The following ACBD6 variants were observed in gnomAD, a reference collection of about 807,000 sequenced individuals.
ACBD6 encodes the protein acyl-CoA binding domain containing 6, also known as acyl-CoA-binding domain-containing protein 6.
A neutral mutation model predicts 37.2 loss-of-function variants in ACBD6; 28 were observed. The ratio of observed to expected loss-of-function variants is 0.75; its 90% CI spans 0.56 to 1.03. The LOEUF is 1.03. Among genes scored for constraint, ACBD6 ranks in the 50% least tolerant of loss-of-function variants. ACBD6 has a pLI of 0.00. For synonymous variants in ACBD6, 113 were observed against 126.8 expected (o/e 0.89, Z 0.73); for missense variants, 340 against 337.4 (o/e 1.01, Z -0.06).
At chr1:180,282,221 C>CT (rs36121878) in intron 8 of ACBD6, among the ~76,000 whole-genome samples, 2 of 152,234 alleles carry the variant, frequency 1.3e-5, no homozygotes, top group African/African-American at 2.4e-5. Context: ...GTAGGAGAGG[C>CT]TTTTTTAAAA....
intron 3 of ACBD6, among the ~76,000 whole-genome samples, chr1:180,474,003 A>G (rs1650678460): frequency 6.6e-6 from 1 of 152,212 alleles, no homozygotes; most frequent in South Asian, 2.1e-4. Context: ...TATACATAAT[A>G]GGGTTAAAAT....
intron 2 of ACBD6, among the ~76,000 whole-genome samples, chr1:180,494,865 G>A (rs1651666976): frequency 6.6e-6 from 1 of 152,148 alleles, no homozygotes; most frequent in Non-Finnish European, 1.5e-5. Flanking sequence ...TGAATTATAA[G>A]TTAAAAAAGT....
At chr1:180,377,819 T>C (rs1412266731) in intron 6 of ACBD6, among the ~76,000 whole-genome samples, 1 of 151,968 alleles carries the variant, frequency 6.6e-6, no homozygotes. Flanking sequence ...TGGTGGCACA[T>C]GCCTGTAACC....
At chr1:180,419,663 T>G (rs1437319643) in intron 4 of ACBD6, among the ~76,000 whole-genome samples, 1 of 152,250 alleles carries the variant, frequency 6.6e-6, no homozygotes. Context: ...AAACAGTTGA[T>G]AAATTTTTAT....
chr1:180,501,959 T>G, intron 1 of ACBD6, 86 bp downstream of exon 1: 1 of 1,273,578 alleles, frequency 7.9e-7, no homozygotes, highest in Non-Finnish European at 1.1e-6. Flanking sequence ...TACACCTAGC[T>G]ATTAACCATA....
At chr1:180,435,237 C>T in intron 3 of ACBD6, 1 of 663,644 alleles carries the variant, frequency 1.5e-6, no homozygotes, top group Admixed American at 2.0e-5. Context: ...CGAGGGCTGG[C>T]TGGCCGGCTA....
intron 7 of ACBD6, among the ~76,000 whole-genome samples, chr1:180,311,310 GA>G (rs1650582452): frequency 6.6e-6 from 1 of 152,204 alleles, no homozygotes; most frequent in Non-Finnish European, 1.5e-5. Flanking sequence ...CCATGGATAA[GA>G]AAGTCTTTCG....
chr1:180,410,005 A>G (rs1342132767), intron 5 of ACBD6, among the ~76,000 whole-genome samples: 1 of 152,268 alleles, frequency 6.6e-6, no homozygotes, highest in African/African-American at 2.4e-5. Context: ...GTGAGCATAC[A>G]AATGATAGAA....
chr1:180,476,682 C>T (rs1350746649), intron 3 of ACBD6, among the ~76,000 whole-genome samples: 3 of 151,918 alleles, frequency 2.0e-5, no homozygotes, highest in Non-Finnish European at 4.4e-5. Flanking sequence ...AAAAATGAGC[C>T]GGGCGTGGTG....
At chr1:180,322,292 T>C (rs1462778664) in intron 6 of ACBD6, among the ~76,000 whole-genome samples, 1 of 152,134 alleles carries the variant, frequency 6.6e-6, no homozygotes, top group East Asian at 1.9e-4. Context: ...TCTGAATCAA[T>C]ATTCATCAGA....
Position 180,442,974 on chromosome 1 carries a change from C to A in ACBD6, c.385-12712G>T, listed in dbSNP as rs562611824. 3.2e-4 allele frequency among the ~76,000 whole-genome samples: 48 copies of A among 149,438 alleles called. No homozygotes were observed. The South Asian group carries it at 0.01, about 32-fold the overall frequency. Reference sequence around the variant, plus strand: ...GTACTTTTATTGACAGGTTTTTCTCCTGGGTCATATTTTCCTGCCCCCACT... The same window carrying A: ...GTACTTTTATTGACAGGTTTTTCTCATGGGTCATATTTTCCTGCCCCCACT... On this transcript the variant is annotated intron_variant, in intron 3 of 7. Coordinates refer to ENST00000367595, the MANE Select transcript of ACBD6 (RefSeq NM_032360.4).
intron 5 of ACBD6, among the ~76,000 whole-genome samples, chr1:180,404,078 G>C (rs1193036643): frequency 6.6e-6 from 1 of 152,032 alleles, no homozygotes; most frequent in African/African-American, 2.4e-5. Context: ...AGTCTCCCGA[G>C]TAGCTGGGAT....
At chr1:180,459,161 C>T (rs1650031131) in intron 3 of ACBD6, among the ~76,000 whole-genome samples, 1 of 152,146 alleles carries the variant, frequency 6.6e-6, no homozygotes, top group Admixed American at 6.5e-5. Flanking sequence ...TAACAGATAA[C>T]TTAAAATATT....
chr1:180,368,986 T>C (rs1653154167), intron 6 of ACBD6, among the ~76,000 whole-genome samples: 1 of 152,152 alleles, frequency 6.6e-6, no homozygotes, highest in South Asian at 2.1e-4. Context: ...AAAAAGGAGT[T>C]TATAATCCTT....
At chr1:180,338,830 A>G (rs1651851219) in intron 6 of ACBD6, among the ~76,000 whole-genome samples, 1 of 152,164 alleles carries the variant, frequency 6.6e-6, no homozygotes, top group Non-Finnish European at 1.5e-5. Flanking sequence ...AAACAAATTT[A>G]TAAGAAAAAA....
At chr1:180,380,803 G>A (rs1653613925) in intron 6 of ACBD6, among the ~76,000 whole-genome samples, 1 of 151,864 alleles carries the variant, frequency 6.6e-6, no homozygotes, top group Non-Finnish European at 1.5e-5. Flanking sequence ...GAGAAATAAA[G>A]GAACAAAGGA....
chr1:180,460,180 T>TC (rs1295462839), intron 3 of ACBD6, among the ~76,000 whole-genome samples: 1 of 145,644 alleles, frequency 6.9e-6, no homozygotes, highest in Non-Finnish European at 1.5e-5. Flanking sequence ...CTTAAGTGGG[T>TC]CCCCCATCTG....
chr1:180,380,581 G>A lies in ACBD6; in HGVS notation c.663+16935C>T, dbSNP rs79554546. On this transcript the variant is annotated intron_variant, in intron 6 of 7. Coordinates refer to ENST00000367595, the MANE Select transcript of ACBD6 (RefSeq NM_032360.4). ...ACAAGACATGCTTAAGGGATACTCA[G>A]TATAATAACATGCTGTATAGGTTTT... Among the ~76,000 whole-genome samples the A allele has an allele frequency of 3.6e-3, 541 of 151,452 alleles. 8 individuals are homozygous for A. Among genetic ancestry groups the A allele is most frequent in the African/African-American group, 0.012 (507 of 41,414 alleles).
At chr1:180,453,933 G>C (rs1310967935) in intron 3 of ACBD6, among the ~76,000 whole-genome samples, 1 of 152,006 alleles carries the variant, frequency 6.6e-6, no homozygotes, top group Non-Finnish European at 1.5e-5. Context: ...ACGTGGATAG[G>C]AAGAATCAAT....
Sources: allele counts gnomAD v4.1 joint callset (sites outside exome capture counted in the v4.1 genomes callset), GRCh38; gene constraint gnomAD v4.1.1; transcripts MANE v1.5; gene names NCBI Gene and HGNC (gene_info 2026-07-23, HGNC 2026-07-21).